Variants in GSG1L observed in about 807,000 individuals in gnomAD.
The protein encoded by GSG1L is germ cell-specific gene 1-like protein.
GSG1L carries 24 observed loss-of-function variants against 42.1 expected under a neutral mutation model. The observed-to-expected ratio is 0.57, with a 90% CI of 0.41 to 0.80. The LOEUF (loss-of-function observed/expected upper bound fraction) is 0.80. GSG1L is among the 30% of genes least tolerant of loss of function. The pLI, the probability that GSG1L is intolerant of heterozygous loss-of-function variation, is 0.00. For synonymous variants in GSG1L, 215 were observed against 203.5 expected (o/e 1.06, Z -0.48); for missense variants, 445 against 472.2 (o/e 0.94, Z 0.53).
At chr16:27,811,391 A>G (rs997236244) in intron 5 of GSG1L, among the ~76,000 whole-genome samples, 4 of 152,162 alleles carry the variant, frequency 2.6e-5, no homozygotes, top group Admixed American at 6.5e-5. Flanking sequence ...GTGAGTTTCC[A>G]TCAGCAGAGG....
At chr16:28,004,960 T>A (rs1322169270) in intron 1 of GSG1L, among the ~76,000 whole-genome samples, 1 of 152,160 alleles carries the variant, frequency 6.6e-6, no homozygotes, top group Non-Finnish European at 1.5e-5. Flanking sequence ...TTACACTTAT[T>A]AGTCTGCTAG....
At chr16:27,855,502 C>T (rs1291403451) in intron 3 of GSG1L, among the ~76,000 whole-genome samples, 1 of 152,040 alleles carries the variant, frequency 6.6e-6, no homozygotes, top group Non-Finnish European at 1.5e-5. Flanking sequence ...CATGGATCAC[C>T]TGAGGTCAGG....
At position 27,791,325 on chromosome 16, in the gene GSG1L, G is replaced by A; in HGVS notation, c.*45C>T. The A allele has an allele frequency of 8.1e-7, 1 of 1,231,960 alleles. No individual in the cohort carries two copies. The highest frequency in any genetic ancestry group is 2.3e-5 in the South Asian group (1 of 43,644). 76.3% of individuals were successfully genotyped at this position (1,231,960 alleles called of 1,614,324 possible). The stretch of plus-strand genomic sequence containing the variant: ...TCTGGTGGTCTTGCAGCAGGGGCTG[G>A]TGCCAGCGATGGCCTGAGGTCCGCG... On this transcript the variant is annotated 3_prime_UTR_variant, in exon 7 of 7. Transcript: ENST00000447459.
intron 5 of GSG1L, among the ~76,000 whole-genome samples, chr16:27,809,548 A>T (rs1365884024): frequency 1.3e-5 from 2 of 151,034 alleles, no homozygotes; most frequent in Non-Finnish European, 2.9e-5. Flanking sequence ...ACTGCACTCC[A>T]GCCCAAGCAA....
At chr16:27,906,631 C>T (rs565606323) in intron 2 of GSG1L, among the ~76,000 whole-genome samples, 1 of 152,286 alleles carries the variant, frequency 6.6e-6, no homozygotes, top group Non-Finnish European at 1.5e-5. Context: ...TCCTCATCTG[C>T]ACTCAGGTCT....
chr16:27,842,178 G>A (rs1443616998), intron 4 of GSG1L, among the ~76,000 whole-genome samples: 10 of 150,648 alleles, frequency 6.6e-5, no homozygotes, highest in African/African-American at 2.0e-4. Context: ...ACGATGTCGC[G>A]CGTGCCGAAT....
intron 1 of GSG1L, among the ~76,000 whole-genome samples, chr16:28,009,627 C>T (rs2085689924): frequency 2.0e-5 from 3 of 152,222 alleles, no homozygotes; most frequent in South Asian, 2.1e-4. Context: ...CCCTACCAGG[C>T]AAGGCTCACC....
chr16:27,844,626 A>T (rs1305158491), intron 4 of GSG1L, among the ~76,000 whole-genome samples: 1 of 152,206 alleles, frequency 6.6e-6, no homozygotes, highest in African/African-American at 2.4e-5. Context: ...TGGACATTGA[A>T]ATTTGAATTT....
At chr16:27,900,050 C>G (rs755790658) in intron 2 of GSG1L, among the ~76,000 whole-genome samples, 5 of 152,212 alleles carry the variant, frequency 3.3e-5, no homozygotes, top group Non-Finnish European at 5.9e-5. Flanking sequence ...AACTCAGTCT[C>G]CCCATCCTGA....
At chr16:27,896,172 A>T (rs527694592) in intron 2 of GSG1L, among the ~76,000 whole-genome samples, 18 of 152,116 alleles carry the variant, frequency 1.2e-4, no homozygotes, top group Non-Finnish European at 1.9e-4. Context: ...GGCGTGCGGG[A>T]AATGAGATGT....
intron 4 of GSG1L, among the ~76,000 whole-genome samples, chr16:27,831,802 G>A (rs2083277715): frequency 6.6e-6 from 1 of 152,140 alleles, no homozygotes. Context: ...CAAATAACAT[G>A]TCACCCTGAG....
intron 6 of GSG1L, among the ~76,000 whole-genome samples, chr16:27,803,793 A>ATAAT (rs1567460435): frequency 1.8e-5 from 1 of 56,108 alleles, no homozygotes; most frequent in African/African-American, 7.5e-5. Flanking sequence ...ATATATATAT[A>ATAAT]TAGATAGATA....
intron 2 of GSG1L, among the ~76,000 whole-genome samples, chr16:27,901,185 C>A (rs1175501339): frequency 6.6e-6 from 1 of 152,166 alleles, no homozygotes; most frequent in Non-Finnish European, 1.5e-5. Context: ...TTGATTGACA[C>A]AGGATATAAC....
At chr16:27,802,501 C>A (rs532306387) in intron 6 of GSG1L, among the ~76,000 whole-genome samples, 1 of 152,110 alleles carries the variant, frequency 6.6e-6, no homozygotes, top group Non-Finnish European at 1.5e-5. Context: ...GTACACCTGG[C>A]GCAGGGGTTG....
chr16:28,002,275 AAG>A (rs2085586055), intron 1 of GSG1L, among the ~76,000 whole-genome samples: 1 of 152,188 alleles, frequency 6.6e-6, no homozygotes. Context: ...CCTTTTCTAC[AAG>A]AGAGAACACT....
At chr16:27,801,344 C>T (rs1273472375) in intron 6 of GSG1L, among the ~76,000 whole-genome samples, 2 of 152,094 alleles carry the variant, frequency 1.3e-5, no homozygotes, top group East Asian at 3.9e-4. Context: ...AAGAAGAATC[C>T]CCGCTTCTCA....
At chr16:27,794,665 G>A (rs1401473547) in intron 6 of GSG1L, among the ~76,000 whole-genome samples, 3 of 152,134 alleles carry the variant, frequency 2.0e-5, no homozygotes, top group East Asian at 1.9e-4. Context: ...TCTGGATCTC[G>A]AAACAAAACC....
At chr16:28,000,681 T>C (rs2085570668) in intron 1 of GSG1L, among the ~76,000 whole-genome samples, 1 of 152,102 alleles carries the variant, frequency 6.6e-6, no homozygotes, top group South Asian at 2.1e-4. Context: ...CTCTCTAAGC[T>C]TCCCACAGAC....
chr16:27,883,972 T>C (rs898202418), intron 3 of GSG1L, among the ~76,000 whole-genome samples: 2 of 152,216 alleles, frequency 1.3e-5, no homozygotes, highest in Non-Finnish European at 2.9e-5. Context: ...GCCCTTGAGC[T>C]TCCGGATGTG....
Sources: gnomAD v4.1 joint callset for allele counts (sites outside exome capture counted in the v4.1 genomes callset) on GRCh38, gnomAD v4.1.1 for gene constraint, MANE v1.5 for transcripts, NCBI Gene and HGNC (gene_info 2026-07-23, HGNC 2026-07-21) for gene names.